Variants in MAGI1 observed in about 807,000 individuals in gnomAD.
MAGI1 encodes the protein membrane associated guanylate kinase, WW and PDZ domain containing 1.
MAGI1 carries 58 observed loss-of-function variants against 139.9 expected under a neutral mutation model. That is an observed-to-expected ratio of 0.41 (90% CI 0.34 to 0.52). The LOEUF is 0.52. Ranked by LOEUF, MAGI1 falls within the 20% of genes least tolerant of loss-of-function variation. The pLI is 0.12. For missense variants in MAGI1, 1,874 were observed against 1,901.6 expected (o/e 0.99, Z 0.27); for synonymous variants, 812 against 737.9 (o/e 1.10, Z -1.63).
chr3:65,516,960 C>T (rs962776356), intron 2 of MAGI1, among the ~76,000 whole-genome samples: 4 of 151,404 alleles, frequency 2.6e-5, no homozygotes, highest in Admixed American at 2.0e-4. Flanking sequence ...GATCTCCTGA[C>T]CTCGTGATCC....
At chr3:65,901,510 G>A (rs975014508) in intron 1 of MAGI1, among the ~76,000 whole-genome samples, 2 of 152,224 alleles carry the variant, frequency 1.3e-5, no homozygotes, top group Non-Finnish European at 2.9e-5. Flanking sequence ...GCAATTGGAA[G>A]TTGGCTGAGA....
At chr3:65,791,234 G>A (rs1008886642) in intron 1 of MAGI1, among the ~76,000 whole-genome samples, 11 of 152,246 alleles carry the variant, frequency 7.2e-5, no homozygotes, top group South Asian at 2.1e-4. Flanking sequence ...CCCAGCCTGC[G>A]TGGGAAGAAC....
intron 1 of MAGI1, among the ~76,000 whole-genome samples, chr3:65,927,939 T>C (rs1196958335): frequency 2.6e-5 from 4 of 152,120 alleles, no homozygotes; most frequent in African/African-American, 4.8e-5. Context: ...GAATGATGAG[T>C]ATCTGAAAAT....
At chr3:66,003,896 A>C (rs1488646005) in intron 1 of MAGI1, 1 of 152,224 alleles carries the variant, frequency 6.6e-6, no homozygotes, top group Non-Finnish European at 1.5e-5. Context: ...ATCTGTAACC[A>C]GTTGTGACCA....
intron 10 of MAGI1, among the ~76,000 whole-genome samples, chr3:65,432,642 C>T (rs190265748): frequency 3.9e-5 from 6 of 152,272 alleles, no homozygotes; most frequent in East Asian, 1.9e-4. Context: ...GGATTCGCCA[C>T]GCAAAGTCAT....
At chr3:65,863,910 C>T (rs947331414) in intron 1 of MAGI1, among the ~76,000 whole-genome samples, 1 of 152,114 alleles carries the variant, frequency 6.6e-6, no homozygotes, top group Non-Finnish European at 1.5e-5. Flanking sequence ...AACTGGTCCC[C>T]TCTGTTAGGC....
At chr3:65,714,877 G>T (rs1165075441) in intron 1 of MAGI1, among the ~76,000 whole-genome samples, 2 of 152,144 alleles carry the variant, frequency 1.3e-5, no homozygotes, top group Admixed American at 6.5e-5. Flanking sequence ...AGTTTCTTCT[G>T]TTCCTCACTA....
intron 2 of MAGI1, among the ~76,000 whole-genome samples, chr3:65,498,599 G>A (rs1392688497): frequency 1.3e-5 from 2 of 152,102 alleles, no homozygotes; most frequent in African/African-American, 4.8e-5. Flanking sequence ...TCATTTTATT[G>A]ATGAAGAAGC....
At chr3:65,460,611 C>G (rs902901301) in intron 5 of MAGI1, among the ~76,000 whole-genome samples, 22 of 151,976 alleles carry the variant, frequency 1.4e-4, no homozygotes, top group African/African-American at 5.3e-4. Flanking sequence ...ATTTGTTACA[C>G]AGGTATACAT....
chr3:66,004,969 T>C (rs920294221), intron 1 of MAGI1, among the ~76,000 whole-genome samples: 4 of 152,214 alleles, frequency 2.6e-5, no homozygotes, highest in African/African-American at 9.7e-5. Flanking sequence ...TGCTGTTTTA[T>C]TGCAGCTTGG....
chr3:65,359,488 A>G, intron 22 of MAGI1: 2 of 1,062,904 alleles, frequency 1.9e-6, no homozygotes, highest in East Asian at 1.3e-4. Flanking sequence ...AGCATTAACA[A>G]TAAACAACAA....
chr3:65,879,550 T>C (rs990469957), intron 1 of MAGI1, among the ~76,000 whole-genome samples: 1 of 152,178 alleles, frequency 6.6e-6, no homozygotes. Flanking sequence ...ACCTGTGACA[T>C]AATCCCAGCT....
chr3:65,982,988 T>C (rs569764576), intron 1 of MAGI1, among the ~76,000 whole-genome samples: 3 of 152,310 alleles, frequency 2.0e-5, no homozygotes, highest in Admixed American at 6.5e-5. Context: ...GGCACAATCA[T>C]AGCTCACTGC....
intron 1 of MAGI1, among the ~76,000 whole-genome samples, chr3:65,988,480 T>C (rs144513043): frequency 1.0e-3 from 152 of 152,258 alleles, no homozygotes; most frequent in African/African-American, 3.3e-3. Flanking sequence ...ACTAACAACG[T>C]AGAGATGTGC....
At chr3:65,442,651 T>C (rs1489473977) in intron 8 of MAGI1, 141 bp downstream of exon 8, 2 of 568,156 alleles carry the variant, frequency 3.5e-6, no homozygotes, top group East Asian at 2.8e-5. Flanking sequence ...CATTCATTAA[T>C]ATATGCATAC....
intron 1 of MAGI1, among the ~76,000 whole-genome samples, chr3:65,835,610 T>C (rs369184475): frequency 1.3e-5 from 2 of 151,936 alleles, no homozygotes; most frequent in Admixed American, 6.6e-5. Flanking sequence ...AACAGATGAC[T>C]ATATACAAGA....
chr3:65,493,433 A>C, intron 3 of MAGI1, 79 bp downstream of exon 3: 1 of 1,577,708 alleles, frequency 6.3e-7, no homozygotes, highest in Admixed American at 1.8e-5. Flanking sequence ...ATTCCACAAA[A>C]CATTTTTGCC....
chr3:65,909,610 C>A (rs2061576872), intron 1 of MAGI1, among the ~76,000 whole-genome samples: 1 of 152,104 alleles, frequency 6.6e-6, no homozygotes, highest in Admixed American at 6.6e-5. Context: ...GCAGGAGGAT[C>A]ACTTGAGCTC....
At chr3:65,709,386 C>A (rs1450473583) in intron 1 of MAGI1, among the ~76,000 whole-genome samples, 2 of 152,282 alleles carry the variant, frequency 1.3e-5, no homozygotes, top group African/African-American at 2.4e-5. Flanking sequence ...ATCTTTGAAG[C>A]TGTCTTTTGT....
Sources: gnomAD v4.1 joint callset for allele counts (sites outside exome capture counted in the v4.1 genomes callset) on GRCh38, gnomAD v4.1.1 for gene constraint, MANE v1.5 for transcripts, NCBI Gene and HGNC (gene_info 2026-07-23, HGNC 2026-07-21) for gene names.